Variants in UBE2H observed in about 807,000 individuals in gnomAD.
UBE2H encodes ubiquitin-conjugating enzyme E2 H.
In UBE2H, 3 loss-of-function variants were observed where a neutral mutation model predicts 29.0. The ratio of observed to expected loss-of-function variants is 0.10; its 90% CI spans 0.05 to 0.27. The LOEUF (loss-of-function observed/expected upper bound fraction) is 0.27, where lower values mean the gene tolerates loss of function less well. Among genes scored for constraint, UBE2H ranks in the 10% least tolerant of loss-of-function variants. The pLI is 1.00. For synonymous variants in UBE2H, 69 were observed against 82.9 expected (o/e 0.83, Z 0.91); for missense variants, 68 against 228.2 (o/e 0.30, Z 4.52).
intron 1 of UBE2H, among the ~76,000 whole-genome samples, chr7:129,908,424 T>G (rs1208417116): frequency 6.6e-6 from 1 of 152,224 alleles, no homozygotes; most frequent in Non-Finnish European, 1.5e-5. Context: ...TGGAATATGC[T>G]TTCCTAGTTC....
chr7:129,836,869 G>A (rs1805335656), intron 6 of UBE2H, among the ~76,000 whole-genome samples: 4 of 69,454 alleles, frequency 5.8e-5, no homozygotes, highest in Admixed American at 1.8e-4. Flanking sequence ...GACAGGGCAA[G>A]ACTCCGTCTC....
chr7:129,865,926 G>T (rs1805895474), intron 3 of UBE2H, among the ~76,000 whole-genome samples: 1 of 152,136 alleles, frequency 6.6e-6, no homozygotes, highest in African/African-American at 2.4e-5. Context: ...CCAGAGTAGG[G>T]GTGTTCCAAT....
Position 129,880,956 on chromosome 7 carries a change from A to T in UBE2H, c.69T>A (p.His23Gln). 1 of 1,611,304 alleles carries T rather than the reference A, an allele frequency of 6.2e-7. No individual in the cohort carries two copies. The highest frequency in any genetic ancestry group is 2.2e-5 in the East Asian group (1 of 44,820). ...TAAGTCCTCCCAGGATCGTAACCTC[A>T]TGTTTACTCTCGATGCTAAGGTGGA... Reference protein sequence around the residue: ...TDVVKLIESKHEVTILGGLNE... With the variant: ...TDVVKLIESKQEVTILGGLNE... Residue 23 changes from histidine (H) to glutamine (Q), a missense_variant, in exon 2 of 7, where the codon CAT (histidine) becomes CAA (glutamine). His to Gln is a conservative substitution (Grantham distance 24). Around this residue, in one of 3 missense-constraint regions of UBE2H, gnomAD observed 40 missense variants for 174.1 expected, o/e 0.23. Transcript: ENST00000355621.
intron 1 of UBE2H, among the ~76,000 whole-genome samples, chr7:129,930,325 C>G (rs964651446): frequency 6.6e-6 from 1 of 152,112 alleles, no homozygotes; most frequent in Non-Finnish European, 1.5e-5. Flanking sequence ...CCATGACCAG[C>G]TAATTTTGTA....
At chr7:129,862,618 C>A (rs1173679727) in intron 3 of UBE2H, among the ~76,000 whole-genome samples, 2 of 151,980 alleles carry the variant, frequency 1.3e-5, no homozygotes, top group Non-Finnish European at 2.9e-5. Flanking sequence ...CACCTGGTAC[C>A]AAGAGGAGAG....
chr7:129,880,798 T>G, intron 2 of UBE2H, 97 bp downstream of exon 2: 1 of 1,129,628 alleles, frequency 8.9e-7, no homozygotes, highest in Non-Finnish European at 1.3e-6. Context: ...AACTTGCTTT[T>G]CAGAAACTAC....
intron 1 of UBE2H, among the ~76,000 whole-genome samples, chr7:129,908,886 C>T (rs1234625153): frequency 6.6e-6 from 1 of 152,188 alleles, no homozygotes; most frequent in Non-Finnish European, 1.5e-5. Flanking sequence ...TTCTCTACTG[C>T]AGATCTGACT....
chr7:129,864,641 T>A (rs1295014794), intron 3 of UBE2H, among the ~76,000 whole-genome samples: 1 of 136,306 alleles, frequency 7.3e-6, no homozygotes, highest in South Asian at 2.5e-4. Flanking sequence ...AGCCTCCACC[T>A]CACGGGTTCA....
At chr7:129,837,902 C>G (rs974457354) in intron 6 of UBE2H, among the ~76,000 whole-genome samples, 2 of 152,078 alleles carry the variant, frequency 1.3e-5, no homozygotes, top group African/African-American at 4.8e-5. Context: ...AGGCTCGGTT[C>G]TTTTTGTAAA....
chr7:129,866,829 C>A (rs567943519), intron 3 of UBE2H, among the ~76,000 whole-genome samples: 1 of 152,302 alleles, frequency 6.6e-6, no homozygotes, highest in African/African-American at 2.4e-5. Flanking sequence ...CTTTGCCTTT[C>A]TGTTCCCTTA....
intron 3 of UBE2H, among the ~76,000 whole-genome samples, chr7:129,869,032 G>C (rs1805975912): frequency 6.6e-6 from 1 of 151,806 alleles, no homozygotes; most frequent in African/African-American, 2.4e-5. Context: ...TGCCTCCGGG[G>C]TTCAAGTGAT....
chr7:129,857,078 A>T (rs1204712028), intron 5 of UBE2H: 1 of 155,272 alleles, frequency 6.4e-6, no homozygotes, highest in Non-Finnish European at 1.4e-5. Context: ...CTTCATAAGG[A>T]GGTTTTGGTC....
At chr7:129,865,390 C>CGAA (rs141537289) in intron 3 of UBE2H, among the ~76,000 whole-genome samples, 7,617 of 152,190 alleles carry the variant, frequency 0.05, 206 homozygotes, top group South Asian at 0.13. Context: ...CCAAGCTTCA[C>CGAA]CTATTTTTCC....
chr7:129,843,305 C>T (rs971260394), intron 5 of UBE2H, among the ~76,000 whole-genome samples: 10 of 152,052 alleles, frequency 6.6e-5, no homozygotes, highest in Non-Finnish European at 2.9e-5. Flanking sequence ...GGCCCATTAA[C>T]AGTAATATTA....
chr7:129,940,604 A>G (rs1387281779), intron 1 of UBE2H, among the ~76,000 whole-genome samples: 2 of 152,184 alleles, frequency 1.3e-5, no homozygotes, highest in East Asian at 3.8e-4. Flanking sequence ...ATAACGTCCT[A>G]GATACCTACA....
At chr7:129,879,764 T>A (rs1806217805) in intron 2 of UBE2H, 122 bp from the exon 3 acceptor site, 3 of 822,686 alleles carry the variant, frequency 3.6e-6, no homozygotes, top group Non-Finnish European at 5.8e-6. Context: ...CCTTCAAGAG[T>A]CAGGGACCTA....
At chr7:129,837,383 G>C (rs1301195351) in intron 6 of UBE2H, among the ~76,000 whole-genome samples, 1 of 152,166 alleles carries the variant, frequency 6.6e-6, no homozygotes, top group East Asian at 1.9e-4. Context: ...CTTGCAGAAA[G>C]GTCCAGCAAA....
At chr7:129,839,053 C>T (rs1186606955) in intron 6 of UBE2H, among the ~76,000 whole-genome samples, 154 bp downstream of exon 6, 2 of 151,646 alleles carry the variant, frequency 1.3e-5, no homozygotes, top group South Asian at 2.1e-4. Context: ...TACTGCCACC[C>T]GAGGTTGGTG....
rs1244896153 is a variant in UBE2H at position 129,833,227 on chromosome 7, A to C, written c.*1710T>G. On this transcript the variant is annotated 3_prime_UTR_variant, in exon 7 of 7. Coordinates refer to ENST00000355621, the MANE Select transcript of UBE2H (RefSeq NM_003344.4). ...TTGTACTTTATATAGATTTTCAAAC[A>C]AAAGATTGATTGTGCTTTTTGAATA... is the stretch of plus-strand genomic sequence containing the variant. The C allele has an allele frequency of 6.6e-6, 1 of 152,660 alleles. No homozygotes were observed. The highest frequency in any genetic ancestry group is 1.9e-4 in the East Asian group (1 of 5,202). 9.5% of individuals were successfully genotyped at this position (152,660 alleles called of 1,614,324 possible).
Sources: gnomAD v4.1 joint callset for allele counts (sites outside exome capture counted in the v4.1 genomes callset) on GRCh38, gnomAD v4.1.1 for gene constraint, gnomAD v4.1.1 regional missense constraint, MANE v1.5 for transcripts, NCBI Gene and HGNC (gene_info 2026-07-23, HGNC 2026-07-21) for gene names.